The following PTPRM variants were observed in gnomAD, a reference collection of about 807,000 sequenced individuals.
PTPRM encodes the protein receptor-type tyrosine-protein phosphatase mu.
PTPRM carries 47 observed loss-of-function variants against 186.7 expected under a neutral mutation model. The observed-to-expected ratio is 0.25, with a 90% CI of 0.20 to 0.32. The LOEUF (loss-of-function observed/expected upper bound fraction) is 0.32. Ranked by LOEUF, PTPRM falls within the 10% of genes least tolerant of loss-of-function variation. The pLI is 1.00. For missense variants in PTPRM, 1,494 were observed against 1,865.0 expected, an observed-to-expected ratio of 0.80 and a Z score of 3.66; for synonymous variants, 668 against 674.9, an observed-to-expected ratio of 0.99 and a Z score of 0.16.
intron 19 of PTPRM, among the ~76,000 whole-genome samples, chr18:8,295,764 CA>C (rs201255876): frequency 2.7e-5 from 4 of 150,816 alleles, no homozygotes; most frequent in Admixed American, 6.6e-5. Flanking sequence ...ACAACTTGAA[CA>C]AAAAAAAATT....
intron 7 of PTPRM, among the ~76,000 whole-genome samples, chr18:8,024,333 C>A (rs1183847191): frequency 6.6e-6 from 1 of 151,964 alleles, no homozygotes; most frequent in Non-Finnish European, 1.5e-5. Context: ...TCATTAGTTT[C>A]TCTTGGGGCC....
At chr18:8,397,016 G>C (rs1598605195) in intron 32 of PTPRM, among the ~76,000 whole-genome samples, 1 of 152,332 alleles carries the variant, frequency 6.6e-6, no homozygotes, top group East Asian at 1.9e-4. Flanking sequence ...GGCATCACAG[G>C]CCATCTGAGG....
At chr18:7,646,041 G>GT (rs2038553575) in intron 1 of PTPRM, among the ~76,000 whole-genome samples, 1 of 152,168 alleles carries the variant, frequency 6.6e-6, no homozygotes, top group Admixed American at 6.5e-5. Context: ...GGCGAGCTCT[G>GT]TGGGGAACCC....
intron 23 of PTPRM, among the ~76,000 whole-genome samples, chr18:8,348,339 G>A (rs113465134): frequency 7.9e-4 from 121 of 152,342 alleles, no homozygotes; most frequent in African/African-American, 2.7e-3. Flanking sequence ...CTTTCCTGTC[G>A]CAGCACCTGG....
intron 30 of PTPRM, among the ~76,000 whole-genome samples, chr18:8,385,420 AG>A (rs2148538333): frequency 6.6e-6 from 1 of 152,344 alleles, no homozygotes; most frequent in South Asian, 2.1e-4. Flanking sequence ...AGGGCCTTAC[AG>A]TGGGGAGCAA....
At chr18:7,829,633 G>C (rs1229897465) in intron 2 of PTPRM, among the ~76,000 whole-genome samples, 2 of 152,160 alleles carry the variant, frequency 1.3e-5, no homozygotes, top group Non-Finnish European at 2.9e-5. Context: ...TATTATAAAG[G>C]ATCTGCAAGA....
intron 1 of PTPRM, among the ~76,000 whole-genome samples, chr18:7,701,744 A>C (rs1194332743): frequency 6.6e-6 from 1 of 152,164 alleles, no homozygotes; most frequent in Non-Finnish European, 1.5e-5. Flanking sequence ...GTTCTAGGGT[A>C]CATGTGCAGA....
chr18:7,998,441 A>G (rs2083670468), intron 7 of PTPRM, among the ~76,000 whole-genome samples: 2 of 152,170 alleles, frequency 1.3e-5, no homozygotes, highest in Non-Finnish European at 2.9e-5. Context: ...ACATGCATCA[A>G]AATATTACAT....
Position 8,314,807 on chromosome 18 carries a change from A to G in PTPRM, c.2869A>G (p.Thr957Ala), listed in dbSNP as rs146533378. 4 of 1,612,152 alleles carry G rather than the reference A, an allele frequency of 2.5e-6. No homozygotes were observed. Among genetic ancestry groups the G allele is most frequent in the Non-Finnish European group, 3.4e-6 (4 of 1,178,716 alleles). The change falls in exon 21 of 33, where the codon ACA becomes GCA. Residue 957 changes from threonine to alanine, a missense_variant. Coordinates refer to ENST00000580170, the MANE Select transcript of PTPRM (RefSeq NM_001105244.2). ...AYDHSRVRLQTIEGDTNSDYI... is the reference protein window; with the variant it reads ...AYDHSRVRLQAIEGDTNSDYI... ...CGATCATTCCCGAGTGAGGCTGCAG[A>G]CAATAGAAGGAGACACAAACTCAGA...
At position 8,009,956 on chromosome 18, in the gene PTPRM, A is replaced by G. The variant is rs2084424438; in HGVS notation, c.1132+54542A>G. Among the ~76,000 whole-genome samples, 3 of 152,198 alleles carry G rather than the reference A, an allele frequency of 2.0e-5. No individual in the cohort carries two copies. In the South Asian group the frequency reaches 6.2e-4, roughly 32 times the overall value. ...ACCTACCTGAATATAAACTTACTTT[A>G]CATTCCTACTAATAGTAAGGCACAA... is the stretch of plus-strand genomic sequence containing the variant. On this transcript the variant is annotated intron_variant, in intron 7 of 32. Transcript: ENST00000580170.
At chr18:7,682,424 TAAA>T (rs1281804525) in intron 1 of PTPRM, among the ~76,000 whole-genome samples, 1 of 152,180 alleles carries the variant, frequency 6.6e-6, no homozygotes, top group Non-Finnish European at 1.5e-5. Context: ...AGAAAAAGAA[TAAA>T]GAAGAAAGCC....
chr18:8,057,118 A>G (rs2088028921), intron 7 of PTPRM, among the ~76,000 whole-genome samples: 2 of 150,928 alleles, frequency 1.3e-5, no homozygotes, highest in Non-Finnish European at 2.9e-5. Context: ...CATCCTAGAT[A>G]TATATAATAA....
intron 2 of PTPRM, among the ~76,000 whole-genome samples, chr18:7,839,565 G>A (rs866554096): frequency 2.0e-5 from 3 of 152,244 alleles, no homozygotes; most frequent in African/African-American, 7.2e-5. Flanking sequence ...TATTATAGAT[G>A]TAAGATAAAG....
intron 11 of PTPRM, among the ~76,000 whole-genome samples, chr18:8,106,198 G>A (rs566428292): frequency 1.3e-5 from 2 of 152,164 alleles, no homozygotes; most frequent in African/African-American, 4.8e-5. Flanking sequence ...ATACCTGCTG[G>A]GACCTGGGCA....
intron 2 of PTPRM, among the ~76,000 whole-genome samples, chr18:7,841,941 T>TG (rs944025881): frequency 3.7e-4 from 57 of 152,018 alleles, no homozygotes; most frequent in African/African-American, 1.2e-3. Context: ...GTTATTATTT[T>TG]TTTTTCTTTG....
chr18:8,286,895 C>G (rs182943486), intron 19 of PTPRM, among the ~76,000 whole-genome samples: 34 of 150,992 alleles, frequency 2.3e-4, no homozygotes, highest in Non-Finnish European at 4.6e-4. Context: ...TAATAGGTGT[C>G]AAAAAAAGAG....
chr18:7,871,947 TA>T (rs1481483754), intron 2 of PTPRM, among the ~76,000 whole-genome samples: 1 of 152,182 alleles, frequency 6.6e-6, no homozygotes, highest in Non-Finnish European at 1.5e-5. Flanking sequence ...GTGTAAATGA[TA>T]AAGAAGAAAA....
rs1233864396 is a variant in PTPRM at position 8,379,882 on chromosome 18, A to G, written c.3787-414A>G. On this transcript the variant is annotated intron_variant, in intron 28 of 32. Coordinates refer to ENST00000580170, the MANE Select transcript of PTPRM (RefSeq NM_001105244.2). ...CTTCAGAGCTGTAAAAAAAAAGTAC[A>G]TGTATTCTTTACGGCAGAAATAAGA... is the stretch of plus-strand genomic sequence containing the variant. Among the ~76,000 whole-genome samples the G allele has an allele frequency of 2.0e-5, 3 of 152,380 alleles. No homozygotes were observed. In the East Asian group the frequency reaches 5.8e-4, roughly 29 times the overall value.
intron 7 of PTPRM, among the ~76,000 whole-genome samples, chr18:7,991,380 A>G (rs1196279049): frequency 6.6e-6 from 1 of 152,140 alleles, no homozygotes; most frequent in African/African-American, 2.4e-5. Flanking sequence ...GCTTATGACT[A>G]TAAAGAAAAG....
Sources: allele counts gnomAD v4.1 joint callset (sites outside exome capture counted in the v4.1 genomes callset), GRCh38; gene constraint gnomAD v4.1.1; transcripts MANE v1.5; gene names NCBI Gene and HGNC (gene_info 2026-07-23, HGNC 2026-07-21).